OSBP2: variants seen among roughly 807,000 people sequenced by gnomAD.
The protein encoded by OSBP2 is oxysterol-binding protein 2.
Under a neutral mutation model 96.0 loss-of-function variants are expected in OSBP2, and 66 were observed. That is an observed-to-expected ratio of 0.69 (90% confidence interval 0.56 to 0.84). The LOEUF is 0.84. OSBP2 is among the 40% of genes least tolerant of loss of function. OSBP2 has a pLI of 0.00. For missense variants in OSBP2, 1,038 were observed against 1,222.7 expected, an observed-to-expected ratio of 0.85 and a Z score of 2.25; for synonymous variants, 525 against 520.9, an observed-to-expected ratio of 1.01 and a Z score of -0.11.
intron 2 of OSBP2, among the ~76,000 whole-genome samples, chr22:30,747,324 CT>C (rs1277145026): frequency 6.6e-6 from 1 of 151,990 alleles, no homozygotes; most frequent in Non-Finnish European, 1.5e-5. Flanking sequence ...CTAAATATCA[CT>C]TTAAAATGGG....
intron 1 of OSBP2, among the ~76,000 whole-genome samples, chr22:30,709,674 C>T (rs1290906622): frequency 6.6e-6 from 1 of 151,728 alleles, no homozygotes; most frequent in Non-Finnish European, 1.5e-5. Flanking sequence ...AGCCACCGCA[C>T]CTGGCCAAAT....
chr22:30,824,660 G>A (rs759293954), intron 2 of OSBP2, among the ~76,000 whole-genome samples: 19 of 152,164 alleles, frequency 1.2e-4, no homozygotes, highest in Non-Finnish European at 2.4e-4. Flanking sequence ...CTGGCCTCCT[G>A]TTTTATACAC....
chr22:30,701,801 T>C (rs2089167964), intron 1 of OSBP2, among the ~76,000 whole-genome samples: 1 of 152,204 alleles, frequency 6.6e-6, no homozygotes, highest in South Asian at 2.1e-4. Flanking sequence ...TGGATTCAGC[T>C]TTAATTTGAA....
At chr22:30,813,880 G>A (rs577786877) in intron 2 of OSBP2, among the ~76,000 whole-genome samples, 12 of 151,524 alleles carry the variant, frequency 7.9e-5, no homozygotes, top group East Asian at 2.0e-4. Flanking sequence ...TCAGCTCACC[G>A]CAACCTCCGC....
chr22:30,808,267 A>C (rs1602293390), intron 2 of OSBP2, among the ~76,000 whole-genome samples: 1 of 152,070 alleles, frequency 6.6e-6, no homozygotes, highest in East Asian at 1.9e-4. Context: ...TTGGGAGGCC[A>C]AGGTGGGAGA....
chr22:30,811,969 C>T (rs1309849324), intron 2 of OSBP2, among the ~76,000 whole-genome samples: 1 of 151,930 alleles, frequency 6.6e-6, no homozygotes, highest in Non-Finnish European at 1.5e-5. Context: ...CATCCTCCTG[C>T]CTCAGCCTCC....
In OSBP2 at chr22:30,897,337, G is replaced by C. The variant is rs2040087895; in HGVS notation, c.2375+3336G>C. On this transcript the variant is annotated intron_variant, in intron 12 of 13. Transcript: ENST00000332585. ...TCAAATGGAAACAATAAACAATCCA[G>C]CAAGTATATGGAGATCCAAACAATA... Among the ~76,000 whole-genome samples, 3 of 152,146 alleles carry C rather than the reference G, an allele frequency of 2.0e-5. No homozygotes were observed. In the South Asian group the frequency reaches 6.2e-4, roughly 32 times the overall value.
In OSBP2 at chr22:30,822,437, C is replaced by T. The variant is rs908097867; in HGVS notation, c.854-47992C>T. 43 of 1,089,880 alleles carry T rather than the reference C, an allele frequency of 3.9e-5. 1 individual carries two copies. In the Admixed American group the frequency reaches 1.0e-3, roughly 26 times the overall value. The allele number at this position is 1,089,880 out of a possible 1,614,324, so 67.5% of individuals were successfully genotyped here. ...CTCAGGCTGGGCTCGGCTCCCGCGG[C>T]GCGGACGGGGTTAACGCGCTCATGT... On this transcript the variant is annotated intron_variant, in intron 2 of 13. Transcript: ENST00000332585.
chr22:30,745,607 C>T (rs2089989475), intron 2 of OSBP2, among the ~76,000 whole-genome samples: 1 of 141,616 alleles, frequency 7.1e-6, no homozygotes, highest in Non-Finnish European at 1.5e-5. Flanking sequence ...GCAGAGGTTG[C>T]AGCAAGCTGA....
chr22:30,888,294 G>T lies in OSBP2; in HGVS notation c.1372G>T (p.Asp458Tyr), dbSNP rs142260765. Reference sequence around the variant, plus strand: ...TACCGAGTACTTTGATGCCATGGAAGACTCCACATCCTTCATCACCGTGAT... The same window carrying T: ...TACCGAGTACTTTGATGCCATGGAATACTCCACATCCTTCATCACCGTGAT... ...EDTEYFDAME[D>Y]STSFITVITE... Residue 458 changes from aspartate to tyrosine, a missense_variant, in exon 5 of 14, where the codon GAC becomes TAC. Physicochemically the swap from Asp to Tyr is radical, Grantham distance 160. Transcript: ENST00000332585. 3,849 of 1,613,860 alleles carry T rather than the reference G, an allele frequency of 2.4e-3. 3 individuals are homozygous for T. The highest frequency in any genetic ancestry group is 3.1e-3 in the Non-Finnish European group (3,644 of 1,179,830).
intron 2 of OSBP2, chr22:30,844,685 T>C: frequency 6.6e-6 from 1 of 152,232 alleles, no homozygotes; most frequent in East Asian, 1.9e-4. Flanking sequence ...CTATCAGCAA[T>C]AAGACTGTTT....
intron 1 of OSBP2, among the ~76,000 whole-genome samples, chr22:30,738,695 G>A (rs905531463): frequency 6.6e-6 from 1 of 151,908 alleles, no homozygotes; most frequent in Admixed American, 6.6e-5. Context: ...CGAGTAACTG[G>A]GACTACAGGT....
At position 30,906,029 on chromosome 22, in the gene OSBP2, G is replaced by A; in HGVS notation, c.2568G>A (p.Leu856=). The A allele has an allele frequency of 3.2e-6, 5 of 1,570,302 alleles. No homozygotes were observed. Among genetic ancestry groups the A allele is most frequent in the Non-Finnish European group, 3.4e-6 (4 of 1,159,454 alleles). ...EKQRLSRRRR[L]EACGPGSSCS... The stretch of plus-strand genomic sequence containing the variant: ...AGCGCCTGTCGCGGCGCCGGCGGCT[G>A]GAGGCCTGCGGGCCGGGCAGCAGCT... Residue 856 remains leucine, a synonymous_variant, in exon 13 of 14, where the codon CTG becomes CTA. Coordinates refer to ENST00000332585, the MANE Select transcript of OSBP2 (RefSeq NM_030758.4).
intron 2 of OSBP2, among the ~76,000 whole-genome samples, chr22:30,795,634 C>A (rs2090748845): frequency 6.6e-6 from 1 of 151,404 alleles, no homozygotes; most frequent in African/African-American, 2.4e-5. Flanking sequence ...ATTCTCCTGT[C>A]TCAGCCTCCC....
chr22:30,903,517 G>A (rs1009278109), intron 12 of OSBP2, among the ~76,000 whole-genome samples: 2 of 152,218 alleles, frequency 1.3e-5, no homozygotes, highest in African/African-American at 4.8e-5. Flanking sequence ...GGGAGTCCAC[G>A]GAGAAAACAC....
rs147325488 is a variant in OSBP2, at chr22:30,752,615, C to G, written c.853+11246C>G. ...CAGGGTTCTTATTATGCAGATGAAG[C>G]CTCCAAGTAGCAGGCTTCAGAGAGA... On this transcript the variant is annotated intron_variant, in intron 2 of 13. Coordinates refer to ENST00000332585, the MANE Select transcript of OSBP2 (RefSeq NM_030758.4). Among the ~76,000 whole-genome samples the G allele has an allele frequency of 3.3e-5, 5 of 152,000 alleles. No homozygotes were observed. In the South Asian group the frequency reaches 1.0e-3, roughly 32 times the overall value.
At chr22:30,831,403 C>T (rs541008587) in intron 2 of OSBP2, among the ~76,000 whole-genome samples, 49 of 152,234 alleles carry the variant, frequency 3.2e-4, no homozygotes, top group African/African-American at 1.1e-3. Context: ...GGAAAACCAA[C>T]GGAAGGCATT....
At chr22:30,696,803 G>A (rs546483939) in intron 1 of OSBP2, among the ~76,000 whole-genome samples, 75 of 152,108 alleles carry the variant, frequency 4.9e-4, no homozygotes, top group Middle Eastern at 3.4e-3. Context: ...ACAGGCGCCC[G>A]TCACCATGCC....
At chr22:30,724,520 T>C (rs1396690047) in intron 1 of OSBP2, among the ~76,000 whole-genome samples, 2 of 152,238 alleles carry the variant, frequency 1.3e-5, no homozygotes, top group Non-Finnish European at 2.9e-5. Context: ...CATGCCCAGC[T>C]TCCACCATGT....
Sources: allele counts gnomAD v4.1 joint callset (sites outside exome capture counted in the v4.1 genomes callset), GRCh38; gene constraint gnomAD v4.1.1; transcripts MANE v1.5; gene names NCBI Gene and HGNC (gene_info 2026-07-23, HGNC 2026-07-21).